PCDHGB1: variants seen among roughly 807,000 people sequenced by gnomAD.
PCDHGB1 encodes protocadherin gamma-B1.
A neutral mutation model predicts 56.6 loss-of-function variants in PCDHGB1; 34 were observed. The ratio of observed to expected loss-of-function variants is 0.60; its 90% CI spans 0.46 to 0.80. The LOEUF (loss-of-function observed/expected upper bound fraction) is 0.80. Among genes scored for constraint, PCDHGB1 ranks in the 30% least tolerant of loss-of-function variants. The pLI, the probability that PCDHGB1 is intolerant of heterozygous loss-of-function variation, is 0.00. For missense variants in PCDHGB1, 1,278 were observed against 1,204.6 expected, an observed-to-expected ratio of 1.06 and a Z score of -0.90; for synonymous variants, 561 against 505.9, an observed-to-expected ratio of 1.11 and a Z score of -1.46.
chr5:141,366,202 C>T lies in PCDHGB1; in HGVS notation c.2409+13533C>T, dbSNP rs548407771. On this transcript the variant is annotated intron_variant, in intron 1 of 3. Transcript: ENST00000523390. ...TCTTTGCGGTTGGGCTGCACACGGGCGAGGTGCGCACAGCGCGAGCCCTGC... is the reference window on the plus strand; with the variant it reads ...TCTTTGCGGTTGGGCTGCACACGGGTGAGGTGCGCACAGCGCGAGCCCTGC... 2.8e-5 allele frequency: 45 copies of T among 1,613,844 alleles called. No individual in the cohort carries two copies. In the South Asian group the frequency reaches 4.8e-4, roughly 17 times the overall value.
At position 141,494,824 on chromosome 5, in the gene PCDHGB1, G is replaced by C; in HGVS notation, c.2427G>C (p.Thr809=). 6.2e-7 allele frequency: 1 copy of C among 1,614,042 alleles called. No individual in the cohort carries two copies. Among genetic ancestry groups the C allele is most frequent in the East Asian group, 2.2e-5 (1 of 44,866 alleles). The change falls in exon 2 of 4, where the codon ACG becomes ACC. Residue 809 remains threonine, a synonymous_variant. Transcript: ENST00000523390. The part of the protein sequence containing the change: ...SLSSHQAPPN[T]DWRFSQAQRP... ...CTCCACAGCAAGCCCCGCCCAACAC[G>C]GACTGGCGTTTCTCTCAGGCCCAGA...
chr5:141,500,499 G>T lies in PCDHGB1; in HGVS notation c.2469-4894G>T, dbSNP rs531501031. On this transcript the variant is annotated intron_variant, in intron 2 of 3. Transcript: ENST00000523390. ...GCTGGGATTACAGGCGTGAGCCACC[G>T]CGCCTGGCCGAGCTTCATTTTAAAA... Among the ~76,000 whole-genome samples, 24 of 152,088 alleles carry T rather than the reference G, an allele frequency of 1.6e-4. 1 individual carries two copies. In the Middle Eastern group the frequency reaches 0.01, roughly 65 times the overall value.
chr5:141,400,121 A>C lies in PCDHGB1; in HGVS notation c.2409+47452A>C. On this transcript the variant is annotated intron_variant, in intron 1 of 3. Coordinates refer to ENST00000523390, the MANE Select transcript of PCDHGB1 (RefSeq NM_018922.3). Reference sequence around the variant, plus strand: ...CACTTGGTCTTTGCTGACAGCTTGCAGGAGGTGCTGCCGGATATCACTGAC... The same window carrying C: ...CACTTGGTCTTTGCTGACAGCTTGCCGGAGGTGCTGCCGGATATCACTGAC... 1.2e-6 allele frequency: 2 copies of C among 1,614,054 alleles called. No individual in the cohort carries two copies. The highest frequency in any genetic ancestry group is 1.7e-6 in the Non-Finnish European group (2 of 1,179,890).
chr5:141,501,509 C>T lies in PCDHGB1; in HGVS notation c.2469-3884C>T, dbSNP rs1046763108. 4.6e-5 allele frequency among the ~76,000 whole-genome samples: 7 copies of T among 152,080 alleles called. No individual in the cohort carries two copies. The South Asian group carries it at 6.2e-4, about 14-fold the overall frequency. On this transcript the variant is annotated intron_variant, in intron 2 of 3. Transcript: ENST00000523390. The stretch of plus-strand genomic sequence containing the variant: ...ATATCTGCTGCTGGGGCTCCAAGGC[C>T]TCCAAGCTGAAGCCCAGTACGTTGT...
chr5:141,486,019 T>C lies in PCDHGB1; in HGVS notation c.2410-8788T>C, dbSNP rs2078071. 3.2e-3 allele frequency: 5,143 copies of C among 1,613,986 alleles called. 141 individuals carry two copies. In the South Asian group the frequency reaches 0.046, roughly 14 times the overall value. ...GTGGTAACGTCACCTTTTATTTCAG[T>C]GGTCATACCCCTGATCGTGTAAGAA... On this transcript the variant is annotated intron_variant, in intron 1 of 3. Transcript: ENST00000523390. The surrounding 1 kb of genome is among the most constrained non-coding windows in gnomAD (Gnocchi z 5.0).
At position 141,350,471 on chromosome 5, in the gene PCDHGB1, T is replaced by G. The variant is rs1758484390; in HGVS notation, c.211T>G (p.Tyr71Asp). ...AAAACTGCGGGTTAGTGCAGAGGAT[T>G]ATTTCAACGTTAGTTTGGAGAGCGG... ...TRKLRVSAED[Y>D]FNVSLESGDL... The change falls in exon 1 of 4, where the codon TAT (tyrosine) becomes GAT (aspartate). Residue 71 changes from tyrosine (Y) to aspartate (D), a missense_variant. Physicochemically the swap from Tyr to Asp is radical, Grantham distance 160. Coordinates refer to ENST00000523390, the MANE Select transcript of PCDHGB1 (RefSeq NM_018922.3). The G allele has an allele frequency of 6.2e-7, 1 of 1,613,842 alleles. No homozygotes were observed. The highest frequency in any genetic ancestry group is 1.3e-5 in the African/African-American group (1 of 74,902).
chr5:141,376,129 C>G, intron 1 of PCDHGB1: 2 of 1,613,928 alleles, frequency 1.2e-6, no homozygotes, highest in Non-Finnish European at 1.7e-6. Context: ...AGCCCTCCGC[C>G]AAACCCAACG....
At chr5:141,399,627 C>A (rs751717107) in intron 1 of PCDHGB1, 19 of 1,613,788 alleles carry the variant, frequency 1.2e-5, no homozygotes, top group Non-Finnish European at 1.6e-5. Flanking sequence ...TGGCCTCTTA[C>A]GTGTCCATGA....
chr5:141,438,288 G>C (rs752722248), intron 1 of PCDHGB1, among the ~76,000 whole-genome samples: 18 of 151,902 alleles, frequency 1.2e-4, no homozygotes, highest in Non-Finnish European at 2.1e-4. Flanking sequence ...AATTTAATCT[G>C]TATGTAAAAG....
intron 1 of PCDHGB1, chr5:141,418,621 C>T: frequency 6.2e-7 from 1 of 1,614,034 alleles, no homozygotes; most frequent in Non-Finnish European, 8.5e-7. Flanking sequence ...TTCGGGAAGA[C>T]GTGCCTCCAG....
Position 141,476,348 on chromosome 5 carries a change from G to C in PCDHGB1, c.2410-18459G>C, listed in dbSNP as rs764669470. Reference sequence around the variant, plus strand: ...GTCTGGAGCTAGCCGAAGATTCTTTGAGGTGAACCGGGAGACCGGAGAGAT... The same window carrying C: ...GTCTGGAGCTAGCCGAAGATTCTTTCAGGTGAACCGGGAGACCGGAGAGAT... On this transcript the variant is annotated intron_variant, in intron 1 of 3. Transcript: ENST00000523390. The surrounding 1 kb of genome is among the most constrained non-coding windows in gnomAD (Gnocchi z 7.6). 2 of 1,614,190 alleles carry C rather than the reference G, an allele frequency of 1.2e-6. No individual in the cohort carries two copies. The highest frequency in any genetic ancestry group is 2.2e-5 in the South Asian group (2 of 91,078).
chr5:141,393,350 C>T (rs775303289), intron 1 of PCDHGB1: 25 of 1,613,840 alleles, frequency 1.5e-5, no homozygotes, highest in Non-Finnish European at 1.9e-5. Flanking sequence ...ACCACTTCTC[C>T]CTGGACGTGC....
rs768907590 is a variant in PCDHGB1, at chr5:141,422,045, G to C, written c.2409+69376G>C. Reference sequence around the variant, plus strand: ...GTTAATGCAACGGATCCAGACGAGGGAATCAACGGGGAAGTAATGTATTCA... The same window carrying C: ...GTTAATGCAACGGATCCAGACGAGGCAATCAACGGGGAAGTAATGTATTCA... On this transcript the variant is annotated intron_variant, in intron 1 of 3. Transcript: ENST00000523390. 1.5e-5 allele frequency: 24 copies of C among 1,611,434 alleles called. No individual in the cohort carries two copies. The Admixed American group carries it at 3.9e-4, about 26-fold the overall frequency.
At chr5:141,367,353 A>G (rs1305190265) in intron 1 of PCDHGB1, 2 of 152,196 alleles carry the variant, frequency 1.3e-5, no homozygotes, top group Non-Finnish European at 2.9e-5. Context: ...CCTGGCTAAC[A>G]CGGTGAAACC....
At chr5:141,466,871 T>C (rs1432611218) in intron 1 of PCDHGB1, among the ~76,000 whole-genome samples, 2 of 152,166 alleles carry the variant, frequency 1.3e-5, no homozygotes, top group African/African-American at 4.8e-5. Flanking sequence ...ATCCACACAT[T>C]TTTTTCATAA....
chr5:141,491,047 G>A lies in PCDHGB1; in HGVS notation c.2410-3760G>A, dbSNP rs751761240. On this transcript the variant is annotated intron_variant, in intron 1 of 3. Coordinates refer to ENST00000523390, the MANE Select transcript of PCDHGB1 (RefSeq NM_018922.3). The surrounding 1 kb of genome is among the most constrained non-coding windows in gnomAD (Gnocchi z 6.9). Reference sequence around the variant, plus strand: ...CGTGGATGCTGATGCAGGCCACAATGCGTGGCTCTCCTACTCACTGTTGCC... The same window carrying A: ...CGTGGATGCTGATGCAGGCCACAATACGTGGCTCTCCTACTCACTGTTGCC... 4 of 1,614,054 alleles carry A rather than the reference G, an allele frequency of 2.5e-6. No homozygotes were observed. Among genetic ancestry groups the A allele is most frequent in the Non-Finnish European group, 3.4e-6 (4 of 1,180,034 alleles).
intron 1 of PCDHGB1, among the ~76,000 whole-genome samples, chr5:141,354,688 A>T (rs1249702605): frequency 6.6e-6 from 1 of 152,196 alleles, no homozygotes; most frequent in Non-Finnish European, 1.5e-5. Flanking sequence ...TATGTCCCTC[A>T]CACAATACGC....
intron 1 of PCDHGB1, chr5:141,355,801 G>A (rs1023672540): frequency 1.2e-6 from 2 of 1,613,404 alleles, no homozygotes; most frequent in African/African-American, 2.7e-5. Context: ...ACGCGCTCTA[G>A]ATCGCGAGGA....
At chr5:141,394,871 T>A in intron 1 of PCDHGB1, 1 of 1,613,814 alleles carries the variant, frequency 6.2e-7, no homozygotes, top group Non-Finnish European at 8.5e-7. Flanking sequence ...ACCCGAACGA[T>A]TCGAGCCTTA....
Sources: gnomAD v4.1 joint callset for allele counts (sites outside exome capture counted in the v4.1 genomes callset) on GRCh38, gnomAD v4.1.1 for gene constraint, Gnocchi (gnomAD v3.1) non-coding constraint, MANE v1.5 for transcripts, NCBI Gene and HGNC (gene_info 2026-07-23, HGNC 2026-07-21) for gene names.